Variants in SORCS3 observed in about 807,000 individuals in gnomAD.
The protein encoded by SORCS3 is sortilin related VPS10 domain containing receptor 3.
Under a neutral mutation model 146.3 loss-of-function variants are expected in SORCS3, and 57 were observed. The observed-to-expected ratio is 0.39, with a 90% CI of 0.31 to 0.49. SORCS3 has a LOEUF of 0.49. Ranked by LOEUF, SORCS3 falls within the 20% of genes least tolerant of loss-of-function variation. The pLI, the probability that SORCS3 is intolerant of heterozygous loss-of-function variation, is 0.92. For synonymous variants in SORCS3, 653 were observed against 618.5 expected, an observed-to-expected ratio of 1.06 and a Z score of -0.83; for missense variants, 1,341 against 1,575.5, an observed-to-expected ratio of 0.85 and a Z score of 2.52.
In SORCS3 at chr10:105,157,005, C is replaced by G. The variant is rs1053460053; in HGVS notation, c.1483-133C>G. On this transcript the variant is annotated intron_variant, in intron 9 of 26. Coordinates refer to ENST00000369701, the MANE Select transcript of SORCS3 (RefSeq NM_014978.3). ...GAGACCACATGGCATTCAACGTTTC[C>G]TATCATGTTCCTTCTTTTCTTGCTT... is the stretch of plus-strand genomic sequence containing the variant. 2.9e-6 allele frequency: 3 copies of G among 1,026,452 alleles called. No individual in the cohort carries two copies. The African/African-American group carries it at 4.8e-5, about 17-fold the overall frequency. 63.6% of individuals were successfully genotyped at this position (1,026,452 alleles called of 1,614,324 possible).
At chr10:105,181,676 C>T (rs1015810457) in intron 14 of SORCS3, among the ~76,000 whole-genome samples, 2 of 152,098 alleles carry the variant, frequency 1.3e-5, no homozygotes, top group Non-Finnish European at 2.9e-5. Flanking sequence ...TTTAAACATC[C>T]CCCTGGTAAC....
intron 1 of SORCS3, among the ~76,000 whole-genome samples, chr10:104,771,570 C>T (rs1283697363): frequency 6.6e-6 from 1 of 152,120 alleles, no homozygotes. Flanking sequence ...GACAGCCTAG[C>T]CAGGCAGCAG....
At chr10:105,035,189 G>A (rs2055297783) in intron 4 of SORCS3, among the ~76,000 whole-genome samples, 1 of 152,156 alleles carries the variant, frequency 6.6e-6, no homozygotes, top group Non-Finnish European at 1.5e-5. Context: ...TGCTTTAACT[G>A]AAGATTTATG....
intron 20 of SORCS3, among the ~76,000 whole-genome samples, chr10:105,238,682 C>G (rs2056806844): frequency 6.6e-6 from 1 of 152,154 alleles, no homozygotes; most frequent in Non-Finnish European, 1.5e-5. Context: ...TTTAGGGCAG[C>G]ATGATATAAG....
At chr10:105,045,321 T>C (rs2055364076) in intron 5 of SORCS3, among the ~76,000 whole-genome samples, 2 of 152,190 alleles carry the variant, frequency 1.3e-5, no homozygotes, top group South Asian at 4.1e-4. Context: ...CTGATAATTG[T>C]GTTTTGTCTC....
At chr10:105,247,155 C>A in intron 21 of SORCS3, 64 bp from the exon 22 acceptor site, 1 of 835,962 alleles carries the variant, frequency 1.2e-6, no homozygotes. Context: ...TGGAGCTCCA[C>A]ACCTGTCACA....
chr10:105,177,711 G>A (rs2056415688), intron 13 of SORCS3, among the ~76,000 whole-genome samples: 1 of 152,132 alleles, frequency 6.6e-6, no homozygotes. Context: ...TACTCAGTTT[G>A]TGTCAGAACC....
chr10:104,908,816 G>A (rs2133595178), intron 2 of SORCS3, among the ~76,000 whole-genome samples: 1 of 152,308 alleles, frequency 6.6e-6, no homozygotes, highest in South Asian at 2.1e-4. Flanking sequence ...AGTACAATGA[G>A]TACTGGAGCT....
intron 4 of SORCS3, among the ~76,000 whole-genome samples, chr10:105,042,836 C>A (rs2055346179): frequency 1.3e-5 from 2 of 152,064 alleles, no homozygotes; most frequent in South Asian, 4.2e-4. Flanking sequence ...TTTATACTCT[C>A]CTCAAAAGTA....
chr10:104,854,448 C>A (rs1283181421), intron 2 of SORCS3, among the ~76,000 whole-genome samples: 1 of 152,078 alleles, frequency 6.6e-6, no homozygotes, highest in Admixed American at 6.6e-5. Context: ...AGAAATAATA[C>A]AGAGAGATAT....
intron 1 of SORCS3, among the ~76,000 whole-genome samples, chr10:104,751,924 C>CATATATATATATGTATAT (rs2016988971): frequency 2.6e-5 from 1 of 38,464 alleles, no homozygotes; most frequent in Admixed American, 4.7e-4. Context: ...TAATAGGAAG[C>CATATATATATATGTATAT]ATATATATAT....
chr10:105,014,422 AT>A (rs1435684716), intron 4 of SORCS3, among the ~76,000 whole-genome samples: 1 of 152,102 alleles, frequency 6.6e-6, no homozygotes, highest in African/African-American at 2.4e-5. Flanking sequence ...ATATAATGCT[AT>A]TAATTAAAGT....
chr10:104,947,098 G>T (rs376397122), intron 3 of SORCS3, among the ~76,000 whole-genome samples: 9 of 152,238 alleles, frequency 5.9e-5, no homozygotes, highest in Middle Eastern at 3.4e-3. Flanking sequence ...GTACAAATCC[G>T]CACCGATATG....
At chr10:105,021,835 C>T (rs2055199986) in intron 4 of SORCS3, among the ~76,000 whole-genome samples, 1 of 152,192 alleles carries the variant, frequency 6.6e-6, no homozygotes, top group African/African-American at 2.4e-5. Context: ...ACTTCCAGCC[C>T]TGTGCTTACA....
intron 1 of SORCS3, among the ~76,000 whole-genome samples, chr10:104,815,126 C>T (rs922972351): frequency 1.3e-5 from 2 of 152,056 alleles, no homozygotes; most frequent in Admixed American, 6.6e-5. Flanking sequence ...CAGTGAAACC[C>T]CAGAGATTTA....
intron 2 of SORCS3, among the ~76,000 whole-genome samples, chr10:104,901,454 T>C (rs1207569220): frequency 1.3e-5 from 2 of 152,234 alleles, no homozygotes. Flanking sequence ...CCCTTATTTA[T>C]TCATTAAAGG....
At chr10:104,964,655 C>G (rs2054816317) in intron 3 of SORCS3, among the ~76,000 whole-genome samples, 1 of 151,944 alleles carries the variant, frequency 6.6e-6, no homozygotes, top group African/African-American at 2.4e-5. Flanking sequence ...TGTTCATTAG[C>G]CTGTTACTTT....
intron 1 of SORCS3, among the ~76,000 whole-genome samples, chr10:104,741,134 ATT>A (rs34447542): frequency 3.2e-3 from 335 of 104,860 alleles, no homozygotes; most frequent in African/African-American, 8.1e-3. Context: ...GATAATTTAA[ATT>A]TTTTTTTTTT....
intron 1 of SORCS3, among the ~76,000 whole-genome samples, chr10:104,816,650 A>G (rs1358063789): frequency 6.6e-6 from 1 of 152,102 alleles, no homozygotes; most frequent in Non-Finnish European, 1.5e-5. Context: ...TGTTCAGCGC[A>G]CCTTCCAGAC....
Sources: allele counts gnomAD v4.1 joint callset (sites outside exome capture counted in the v4.1 genomes callset), GRCh38; gene constraint gnomAD v4.1.1; transcripts MANE v1.5; gene names NCBI Gene and HGNC (gene_info 2026-07-23, HGNC 2026-07-21).